Variants in CHEK1 observed in about 807,000 individuals in gnomAD.
CHEK1 encodes checkpoint kinase 1.
In CHEK1, 32 loss-of-function variants were observed where a neutral mutation model predicts 60.2. That is an observed-to-expected ratio of 0.53 (90% CI 0.40 to 0.71). The LOEUF (loss-of-function observed/expected upper bound fraction) is 0.71, where lower values mean the gene tolerates loss of function less well. Among genes scored for constraint, CHEK1 ranks in the 30% least tolerant of loss-of-function variants. CHEK1 has a pLI of 0.00. For missense variants in CHEK1, 399 were observed against 564.6 expected, an observed-to-expected ratio of 0.71 and a Z score of 2.97; for synonymous variants, 179 against 187.2, an observed-to-expected ratio of 0.96 and a Z score of 0.36.
downstream of CHEK1, among the ~76,000 whole-genome samples, chr11:125,658,580 C>G (rs532009603): frequency 6.7e-6 from 1 of 149,120 alleles, no homozygotes; most frequent in South Asian, 2.1e-4. Flanking sequence ...TTTCCTCTGT[C>G]TATTGTTTTA....
chr11:125,626,553 A>G (rs1940621021), intron 1 of CHEK1, 196 bp from the exon 2 acceptor site: 2 of 570,570 alleles, frequency 3.5e-6, no homozygotes, highest in Admixed American at 6.1e-5. Context: ...GGGAGTGGCG[A>G]TTGTGATTTA....
In CHEK1 at chr11:125,633,269, A is replaced by G. The variant is rs1204648812; in HGVS notation, c.531A>G (p.Glu177=). 2 of 1,607,896 alleles carry G rather than the reference A, an allele frequency of 1.2e-6. No individual in the cohort carries two copies. The highest frequency in any genetic ancestry group is 1.7e-6 in the Non-Finnish European group (2 of 1,178,264). Residue 177 remains glutamate (E), a synonymous_variant, in exon 6 of 13, where the codon GAA becomes GAG. Coordinates refer to ENST00000438015, the MANE Select transcript of CHEK1 (RefSeq NM_001114122.3). Reference sequence around the variant, plus strand: ...GTACTTTACCATATGTTGCTCCAGAACTTCTGAAGAGAAGAGAATTTCATG... The same window carrying G: ...GTACTTTACCATATGTTGCTCCAGAGCTTCTGAAGAGAAGAGAATTTCATG... The part of the protein sequence containing the change: ...MCGTLPYVAP[E]LLKRREFHAE...
intron 8 of CHEK1, among the ~76,000 whole-genome samples, chr11:125,639,959 C>T (rs1366979376): frequency 6.6e-6 from 1 of 152,186 alleles, no homozygotes; most frequent in Non-Finnish European, 1.5e-5. Flanking sequence ...TCTTTCTCAT[C>T]AGCATATCTA....
downstream of CHEK1, chr11:125,680,680 T>TA: frequency 6.4e-7 from 1 of 1,551,524 alleles, no homozygotes. Flanking sequence ...TGAAATGTCT[T>TA]AAGGGAGACC....
chr11:125,626,029 G>A lies in CHEK1; in HGVS notation c.-21+17G>A. 2.9e-6 allele frequency: 2 copies of A among 695,532 alleles called. No individual in the cohort carries two copies. Among genetic ancestry groups the A allele is most frequent in the Non-Finnish European group, 5.3e-6 (2 of 379,138 alleles). 43.1% of individuals were successfully genotyped at this position (695,532 alleles called of 1,614,324 possible). A position where few individuals can be genotyped will look rare whatever the true frequency, so the allele number is the denominator to read the frequency against. On this transcript the variant is annotated intron_variant, in intron 1 of 12. Coordinates refer to ENST00000438015, the MANE Select transcript of CHEK1 (RefSeq NM_001114122.3). ...GACAGTCCGGTGAGGAAGGGCGGCCGGTAGAGTAGGGAAGGTTTCTAAAGA... is the reference window on the plus strand; with the variant it reads ...GACAGTCCGGTGAGGAAGGGCGGCCAGTAGAGTAGGGAAGGTTTCTAAAGA...
chr11:125,633,730 A>G (rs1215615850), intron 6 of CHEK1, among the ~76,000 whole-genome samples: 3 of 152,224 alleles, frequency 2.0e-5, no homozygotes, highest in East Asian at 1.9e-4. Context: ...GGATTAAAGT[A>G]AAGACATGAG....
downstream of CHEK1, chr11:125,676,623 G>T: frequency 9.6e-7 from 1 of 1,040,834 alleles, no homozygotes; most frequent in Non-Finnish European, 1.4e-6. Context: ...TGGGCCCTGT[G>T]TCTGATAGAC....
downstream of CHEK1, among the ~76,000 whole-genome samples, chr11:125,678,978 T>TTATATATGTATATATATATATATA (rs1942655109): frequency 1.1e-5 from 1 of 88,436 alleles, no homozygotes; most frequent in South Asian, 4.5e-4. Flanking sequence ...TCTAGGCATA[T>TTATATATGTATATATATATATATA]TATATATATA....
intron 8 of CHEK1, among the ~76,000 whole-genome samples, chr11:125,640,026 C>G (rs1479390445): frequency 6.6e-6 from 1 of 152,196 alleles, no homozygotes; most frequent in African/African-American, 2.4e-5. Flanking sequence ...TTTCTCTTAA[C>G]TCCACTTTTC....
chr11:125,676,475 G>T, downstream of CHEK1: 1 of 1,614,064 alleles, frequency 6.2e-7, no homozygotes, highest in Non-Finnish European at 8.5e-7. Flanking sequence ...ATTTAATATT[G>T]TGCCTGAAAA....
At chr11:125,637,804 A>AAG (rs1941132822) in intron 8 of CHEK1, among the ~76,000 whole-genome samples, 1 of 152,250 alleles carries the variant, frequency 6.6e-6, no homozygotes, top group South Asian at 2.1e-4. Context: ...CATTAAATCT[A>AAG]AGATTTGAAG....
chr11:125,648,442 C>T lies in CHEK1; in HGVS notation c.1233+3799C>T, dbSNP rs144294380. Among the ~76,000 whole-genome samples the T allele has an allele frequency of 2.7e-3, 411 of 151,960 alleles. 1 individual carries two copies. The highest frequency in any genetic ancestry group is 8.9e-3 in the African/African-American group (369 of 41,448). ...CTAAAAATACAAAAAATTAGCTGGG[C>T]GTGGTTGCGGGCACCGGTAATCCCA... is the stretch of plus-strand genomic sequence containing the variant. On this transcript the variant is annotated intron_variant, in intron 11 of 12. Coordinates refer to ENST00000438015, the MANE Select transcript of CHEK1 (RefSeq NM_001114122.3).
At position 125,655,473 on chromosome 11, in the gene CHEK1, T is replaced by G; in HGVS notation, c.*153T>G. On this transcript the variant is annotated 3_prime_UTR_variant, in exon 13 of 13. Coordinates refer to ENST00000438015, the MANE Select transcript of CHEK1 (RefSeq NM_001114122.3). ...TATCCAAACATCTTCCAATTTATTT[T>G]GTTTGTTCGGCATACAAATAATACC... 1 of 513,308 alleles carries G rather than the reference T, an allele frequency of 1.9e-6. No individual in the cohort carries two copies. The highest frequency in any genetic ancestry group is 3.4e-6 in the Non-Finnish European group (1 of 295,622). 31.8% of individuals were successfully genotyped at this position (513,308 alleles called of 1,614,324 possible).
At chr11:125,626,143 AG>A in intron 1 of CHEK1, 131 bp downstream of exon 1, 1 of 611,726 alleles carries the variant, frequency 1.6e-6, no homozygotes. Flanking sequence ...ACTCCTGCGG[AG>A]GGGCGGTTTC....
At chr11:125,646,505 G>A (rs1237325954) in intron 11 of CHEK1, among the ~76,000 whole-genome samples, 2 of 152,050 alleles carry the variant, frequency 1.3e-5, no homozygotes, top group Non-Finnish European at 2.9e-5. Context: ...AGAATTGTTG[G>A]AGCATATGGT....
intron 11 of CHEK1, among the ~76,000 whole-genome samples, chr11:125,648,112 T>TC (rs1435382799): frequency 2.8e-4 from 1 of 3,572 alleles, no homozygotes; most frequent in Non-Finnish European, 1.1e-3. Flanking sequence ...CTGTTTATTC[T>TC]TTTTTTTTTT....
chr11:125,663,794 T>C (rs781760219), intron 13 of CHEK1, among the ~76,000 whole-genome samples: 2 of 152,238 alleles, frequency 1.3e-5, no homozygotes, highest in Non-Finnish European at 2.9e-5. Context: ...TTTATAGTTT[T>C]AGTTTTACAT....
At position 125,644,550 on chromosome 11, in the gene CHEK1, C is replaced by T. The variant is rs1452626176; in HGVS notation, c.1140C>T (p.Phe380=). 1 of 1,614,072 alleles carries T rather than the reference C, an allele frequency of 6.2e-7. No homozygotes were observed. The highest frequency in any genetic ancestry group is 1.7e-5 in the Admixed American group (1 of 60,004). ...WQRLVKRMTR[F]FTKLDADKSY... is the part of the protein sequence containing the mutation. The stretch of plus-strand genomic sequence containing the variant: ...GGTTGGTCAAAAGAATGACACGATT[C>T]TTTACCAAATTGGATGCAGACAAAT... The change falls in exon 11 of 13, where the codon TTC becomes TTT. Residue 380 remains phenylalanine, a synonymous_variant. Transcript: ENST00000438015.
chr11:125,675,143 G>A (rs575264505), intron 13 of CHEK1, among the ~76,000 whole-genome samples: 2 of 152,282 alleles, frequency 1.3e-5, no homozygotes, highest in Admixed American at 1.3e-4. Context: ...CTGAACATTA[G>A]GATTTTTTAA....
Sources: allele counts gnomAD v4.1 joint callset (sites outside exome capture counted in the v4.1 genomes callset), GRCh38; gene constraint gnomAD v4.1.1; transcripts MANE v1.5; gene names NCBI Gene and HGNC (gene_info 2026-07-23, HGNC 2026-07-21).